NRXN1: variants seen among roughly 807,000 people sequenced by gnomAD.
The protein encoded by NRXN1 is neurexin 1.
Under a neutral mutation model 150.9 loss-of-function variants are expected in NRXN1, and 39 were observed. The observed-to-expected ratio is 0.26, with a 90% CI of 0.20 to 0.34. The LOEUF (loss-of-function observed/expected upper bound fraction) is 0.34, where lower values mean the gene tolerates loss of function less well. NRXN1 is among the 10% of genes least tolerant of loss of function. The pLI is 1.00. For synonymous variants in NRXN1, 924 were observed against 757.0 expected (o/e 1.22, Z -3.62); for missense variants, 1,815 against 1,949.9 (o/e 0.93, Z 1.30).
intron 5 of NRXN1, among the ~76,000 whole-genome samples, chr2:50,731,580 A>G (rs1010072173): frequency 6.6e-6 from 1 of 152,176 alleles, no homozygotes; most frequent in Non-Finnish European, 1.5e-5. Flanking sequence ...GGTGGTTCTC[A>G]AGGTATAGTT....
In NRXN1 at chr2:51,028,852, G is replaced by C. The variant is rs1184607065; in HGVS notation, c.-579C>G. On this transcript the variant is annotated 5_prime_UTR_variant, in exon 2 of 23. Transcript: ENST00000401669. ...GGTGTCTTACAGCAGAACGGAGAAA[G>C]GGATGCTTGCCTCTTTAGGGCACCA... The C allele has an allele frequency of 6.6e-6, 1 of 152,302 alleles. No individual in the cohort carries two copies. Among genetic ancestry groups the C allele is most frequent in the Non-Finnish European group, 1.5e-5 (1 of 68,104 alleles). The allele number at this position is 152,302 out of a possible 1,614,324, so 9.4% of individuals were successfully genotyped here.
intron 17 of NRXN1, among the ~76,000 whole-genome samples, chr2:50,238,019 T>C (rs1349813796): frequency 1.3e-5 from 2 of 152,044 alleles, no homozygotes; most frequent in Admixed American, 6.6e-5. Flanking sequence ...CTTCCCCTTC[T>C]ACCATGACTG....
intron 2 of NRXN1, among the ~76,000 whole-genome samples, chr2:51,005,331 T>C (rs1212863884): frequency 6.6e-6 from 1 of 152,012 alleles, no homozygotes; most frequent in Non-Finnish European, 1.5e-5. Flanking sequence ...TTATGAGATA[T>C]ATACTGATAT....
At chr2:50,842,751 C>T (rs1673058186) in intron 5 of NRXN1, among the ~76,000 whole-genome samples, 1 of 152,036 alleles carries the variant, frequency 6.6e-6, no homozygotes, top group Non-Finnish European at 1.5e-5. Flanking sequence ...TTCATAGAAC[C>T]CCTTCAATTA....
chr2:50,199,606 A>G (rs1024401824), intron 18 of NRXN1, among the ~76,000 whole-genome samples: 19 of 151,732 alleles, frequency 1.3e-4, no homozygotes, highest in Non-Finnish European at 1.6e-4. Flanking sequence ...TGAGTATATT[A>G]GTGTCTCTAT....
At chr2:50,181,497 G>C (rs770209818) in intron 18 of NRXN1, among the ~76,000 whole-genome samples, 1 of 152,044 alleles carries the variant, frequency 6.6e-6, no homozygotes, top group Non-Finnish European at 1.5e-5. Context: ...TAGTGGCCTC[G>C]TTATGAGGGC....
At chr2:50,510,808 A>T (rs1399841575) in intron 12 of NRXN1, among the ~76,000 whole-genome samples, 5 of 152,146 alleles carry the variant, frequency 3.3e-5, no homozygotes, top group African/African-American at 9.7e-5. Flanking sequence ...AATGATCTGC[A>T]AGTAGTGTAA....
intron 21 of NRXN1, among the ~76,000 whole-genome samples, chr2:49,991,268 T>C (rs1651879093): frequency 6.6e-6 from 1 of 152,036 alleles, no homozygotes; most frequent in Non-Finnish European, 1.5e-5. Flanking sequence ...GGAATACAGA[T>C]TCAGAAGGAA....
chr2:50,151,985 T>C (rs573382883), intron 18 of NRXN1, among the ~76,000 whole-genome samples: 2 of 151,928 alleles, frequency 1.3e-5, no homozygotes, highest in South Asian at 2.1e-4. Flanking sequence ...AGAAGCAGCA[T>C]GCTGTAAATG....
At chr2:50,263,416 C>T (rs1159176700) in intron 17 of NRXN1, among the ~76,000 whole-genome samples, 3 of 152,028 alleles carry the variant, frequency 2.0e-5, no homozygotes, top group African/African-American at 7.2e-5. Flanking sequence ...CCCCTCTCAC[C>T]TATTTGAGAG....
chr2:50,718,650 C>T (rs1168999108), intron 5 of NRXN1, among the ~76,000 whole-genome samples: 2 of 152,084 alleles, frequency 1.3e-5, no homozygotes, highest in Non-Finnish European at 2.9e-5. Context: ...AAAATAAGAG[C>T]CCTTCTGCAG....
chr2:50,515,600 G>GT lies in NRXN1; in HGVS notation c.2375-8984_2375-8983insA, dbSNP rs2092604830. On this transcript the variant is annotated intron_variant, in intron 12 of 22. Coordinates refer to ENST00000401669, the MANE Select transcript of NRXN1 (RefSeq NM_001330078.2). The stretch of plus-strand genomic sequence containing the variant: ...ATAGAAACATTCATTAAATGCTTGG[G>GT]GTGTGTGTGTGTGTGTGTGTGTGTG... Among the ~76,000 whole-genome samples the GT allele has an allele frequency of 4.2e-5, 6 of 143,426 alleles. No individual in the cohort carries two copies. In the South Asian group the frequency reaches 1.4e-3, roughly 32 times the overall value. 94.1% of individuals were successfully genotyped at this position (143,426 alleles called of 152,430 possible). A position where few individuals can be genotyped will look rare whatever the true frequency, so the allele number is the denominator to read the frequency against.
chr2:51,030,890 T>TC (rs397964660), intron 1 of NRXN1, among the ~76,000 whole-genome samples: 5 of 151,758 alleles, frequency 3.3e-5, no homozygotes, highest in Admixed American at 3.3e-4. Flanking sequence ...TTTTTTTTTT[T>TC]CTTGTGTGTG....
intron 21 of NRXN1, chr2:50,023,106 T>C (rs1011411271): frequency 6.6e-6 from 1 of 152,218 alleles, no homozygotes; most frequent in Non-Finnish European, 1.5e-5. Flanking sequence ...TCCCTTGATA[T>C]ATGTACATAT....
intron 21 of NRXN1, among the ~76,000 whole-genome samples, chr2:49,961,491 A>G (rs1424442368): frequency 6.6e-6 from 1 of 152,118 alleles, no homozygotes; most frequent in Admixed American, 6.6e-5. Context: ...CACAATAATT[A>G]GCTATGCAAA....
At chr2:50,145,549 C>A (rs1369007968) in intron 18 of NRXN1, among the ~76,000 whole-genome samples, 2 of 151,652 alleles carry the variant, frequency 1.3e-5, no homozygotes, top group South Asian at 2.1e-4. Flanking sequence ...CAGAACAAGA[C>A]CCAGTCTAGG....
intron 10 of NRXN1, among the ~76,000 whole-genome samples, 197 bp from the exon 11 acceptor site, chr2:50,531,627 T>C (rs2093116913): frequency 6.6e-6 from 1 of 152,134 alleles, no homozygotes; most frequent in African/African-American, 2.4e-5. Flanking sequence ...CCTTGTGAGA[T>C]ATTTGCTAAA....
intron 2 of NRXN1, among the ~76,000 whole-genome samples, chr2:50,973,858 T>C (rs1051074974): frequency 6.6e-5 from 10 of 152,162 alleles, no homozygotes; most frequent in Non-Finnish European, 1.0e-4. Flanking sequence ...ATCATGGTTA[T>C]AGATTTCTGG....
At chr2:49,923,284 A>G (rs1049596777) in intron 22 of NRXN1, among the ~76,000 whole-genome samples, 1 of 152,174 alleles carries the variant, frequency 6.6e-6, no homozygotes, top group Non-Finnish European at 1.5e-5. Flanking sequence ...CGAGAGAAGA[A>G]GATTCTATCC....
Sources: gnomAD v4.1 joint callset for allele counts (sites outside exome capture counted in the v4.1 genomes callset) on GRCh38, gnomAD v4.1.1 for gene constraint, MANE v1.5 for transcripts, NCBI Gene and HGNC (gene_info 2026-07-23, HGNC 2026-07-21) for gene names.